PRKG1: variants seen among roughly 807,000 people sequenced by gnomAD.
The protein encoded by PRKG1 is cGMP-dependent protein kinase 1.
PRKG1 carries 35 observed loss-of-function variants against 88.1 expected under a neutral mutation model. That is an observed-to-expected ratio of 0.40 (90% CI 0.30 to 0.53). PRKG1 has a LOEUF of 0.53. Among genes scored for constraint, PRKG1 ranks in the 20% least tolerant of loss-of-function variants. PRKG1 has a pLI of 0.59. For missense variants in PRKG1, 540 were observed against 839.8 expected, an observed-to-expected ratio of 0.64 and a Z score of 4.41; for synonymous variants, 303 against 292.5, an observed-to-expected ratio of 1.04 and a Z score of -0.37.
intron 2 of PRKG1, among the ~76,000 whole-genome samples, chr10:51,179,882 T>C (rs1026879459): frequency 2.0e-5 from 3 of 152,174 alleles, no homozygotes; most frequent in Non-Finnish European, 4.4e-5. Context: ...AAAATGAAAA[T>C]AATCATAGTC....
At chr10:51,108,585 C>G (rs1844904715) in intron 1 of PRKG1, among the ~76,000 whole-genome samples, 2 of 152,086 alleles carry the variant, frequency 1.3e-5, no homozygotes, top group Non-Finnish European at 2.9e-5. Context: ...AGTACCCATT[C>G]CTGCTGAAAG....
At chr10:51,222,587 T>C (rs1374285443) in intron 2 of PRKG1, among the ~76,000 whole-genome samples, 1 of 152,216 alleles carries the variant, frequency 6.6e-6, no homozygotes, top group East Asian at 1.9e-4. Context: ...ATTTGTTTCA[T>C]AAATAACTCT....
intron 3 of PRKG1, among the ~76,000 whole-genome samples, chr10:51,655,892 G>T (rs949729530): frequency 2.6e-5 from 4 of 152,102 alleles, no homozygotes; most frequent in African/African-American, 9.7e-5. Context: ...TACTGAGTAA[G>T]AACAGGTAAA....
At chr10:52,267,744 T>C (rs935442460) in intron 10 of PRKG1, among the ~76,000 whole-genome samples, 7 of 152,090 alleles carry the variant, frequency 4.6e-5, no homozygotes, top group Non-Finnish European at 8.8e-5. Flanking sequence ...TTTATTCATA[T>C]ATATGTCTTG....
At chr10:52,137,091 G>A (rs1169615868) in intron 8 of PRKG1, among the ~76,000 whole-genome samples, 1 of 152,092 alleles carries the variant, frequency 6.6e-6, no homozygotes, top group Non-Finnish European at 1.5e-5. Context: ...CATGCAAACA[G>A]ATGGCAGACA....
intron 3 of PRKG1, among the ~76,000 whole-genome samples, chr10:51,626,305 C>T (rs1157666336): frequency 6.6e-6 from 1 of 152,074 alleles, no homozygotes; most frequent in Admixed American, 6.5e-5. Flanking sequence ...GTGAAATGTA[C>T]AATTTTGTTT....
At chr10:51,976,090 G>T (rs1843825558) in intron 5 of PRKG1, among the ~76,000 whole-genome samples, 1 of 151,992 alleles carries the variant, frequency 6.6e-6, no homozygotes, top group Non-Finnish European at 1.5e-5. Flanking sequence ...GACTAGGTTG[G>T]CTATAATCAA....
At chr10:51,178,457 C>G (rs1837256421) in intron 2 of PRKG1, among the ~76,000 whole-genome samples, 1 of 152,034 alleles carries the variant, frequency 6.6e-6, no homozygotes, top group Admixed American at 6.6e-5. Context: ...GAGAACATGG[C>G]AAACCCCATG....
chr10:51,886,360 T>C (rs1841568833), intron 4 of PRKG1, among the ~76,000 whole-genome samples: 1 of 152,238 alleles, frequency 6.6e-6, no homozygotes, highest in African/African-American at 2.4e-5. Context: ...TGGCACTTAA[T>C]GTAAGCCATT....
intron 2 of PRKG1, among the ~76,000 whole-genome samples, chr10:51,224,876 T>C (rs1235945556): frequency 6.6e-6 from 1 of 152,156 alleles, no homozygotes; most frequent in African/African-American, 2.4e-5. Context: ...CCCAGTGGAA[T>C]CATCCAATTT....
chr10:50,991,291 C>CGCTGCCG lies in PRKG1; in HGVS notation c.-80_-74dup. On this transcript the variant is annotated 5_prime_UTR_variant, in exon 1 of 18. Transcript: ENST00000401604. The surrounding 1 kb of genome is among the most constrained non-coding windows in gnomAD (Gnocchi z 4.5). ...CATTCACTCGCTCACCCGCGCTCTC[C>CGCTGCCG]GCTGCCGGCTGCCGTCCCAGCCGCC... is the stretch of plus-strand genomic sequence containing the variant. 1 of 1,456,552 alleles carries CGCTGCCG rather than the reference C, an allele frequency of 6.9e-7. No homozygotes were observed. Among genetic ancestry groups the CGCTGCCG allele is most frequent in the East Asian group, 2.8e-5 (1 of 35,634 alleles). The allele number at this position is 1,456,552 out of a possible 1,614,324, so 90.2% of individuals were successfully genotyped here.
rs905468062 is a variant in PRKG1 at position 52,112,730 on chromosome 10, A to G, written c.936-21110A>G. Among the ~76,000 whole-genome samples, 5 of 152,142 alleles carry G rather than the reference A, an allele frequency of 3.3e-5. No homozygotes were observed. The South Asian group carries it at 8.3e-4, about 25-fold the overall frequency. ...ATCCCTAAACAGAATTTGATTGGCC[A>G]GCTTGGTCATGACATTTACCTCTAA... On this transcript the variant is annotated intron_variant, in intron 7 of 17. Coordinates refer to ENST00000373980, the MANE Select transcript of PRKG1 (RefSeq NM_006258.4).
chr10:51,515,820 G>A (rs1358070058), intron 3 of PRKG1, among the ~76,000 whole-genome samples: 4 of 152,160 alleles, frequency 2.6e-5, no homozygotes, highest in African/African-American at 9.7e-5. Context: ...AGGAGCAAAT[G>A]AGGGCAGGAA....
intron 7 of PRKG1, among the ~76,000 whole-genome samples, chr10:52,117,164 CTGTGTGTGTGTGTGTGTG>C (rs71459438): frequency 5.7e-5 from 8 of 139,196 alleles, no homozygotes; most frequent in African/African-American, 2.7e-5. Context: ...TGTGAAATAT[CTGTGTGTGTGTGTGTGTG>C]TGTGTGTGTG....
intron 4 of PRKG1, among the ~76,000 whole-genome samples, chr10:51,833,236 T>G (rs1299528423): frequency 6.6e-6 from 1 of 152,136 alleles, no homozygotes; most frequent in East Asian, 1.9e-4. Context: ...AAAGGTGTCC[T>G]GTGAATTGAG....
At chr10:51,869,206 C>A (rs571182719) in intron 4 of PRKG1, among the ~76,000 whole-genome samples, 1 of 152,242 alleles carries the variant, frequency 6.6e-6, no homozygotes, top group East Asian at 1.9e-4. Flanking sequence ...TTGATACCAA[C>A]CGTACTTCTC....
intron 8 of PRKG1, among the ~76,000 whole-genome samples, chr10:52,151,496 A>G (rs1837915895): frequency 6.6e-6 from 1 of 152,224 alleles, no homozygotes; most frequent in Non-Finnish European, 1.5e-5. Flanking sequence ...AATTAAACAT[A>G]TGTGAAACTT....
chr10:51,132,669 C>T (rs917384007), intron 1 of PRKG1, among the ~76,000 whole-genome samples: 10 of 147,736 alleles, frequency 6.8e-5, no homozygotes, highest in Admixed American at 2.7e-4. Context: ...GACATCAGCA[C>T]GTACATACCG....
intron 1 of PRKG1, among the ~76,000 whole-genome samples, chr10:51,014,389 GCTTTGT>G (rs1843031452): frequency 6.6e-6 from 1 of 151,690 alleles, no homozygotes; most frequent in African/African-American, 2.4e-5. Context: ...ACGTAAGATG[GCTTTGT>G]CTTTATTTTT....
Sources: gnomAD v4.1 joint callset for allele counts (sites outside exome capture counted in the v4.1 genomes callset) on GRCh38, gnomAD v4.1.1 for gene constraint, Gnocchi (gnomAD v3.1) non-coding constraint, MANE v1.5 for transcripts, NCBI Gene and HGNC (gene_info 2026-07-23, HGNC 2026-07-21) for gene names.